The following HOGA1 variants were observed in gnomAD, a reference collection of about 807,000 sequenced individuals.
The protein encoded by HOGA1 is 4-hydroxy-2-oxoglutarate aldolase, mitochondrial.
A neutral mutation model predicts 34.3 loss-of-function variants in HOGA1; 30 were observed. The observed-to-expected ratio is 0.87, with a 90% CI of 0.65 to 1.19. The LOEUF (loss-of-function observed/expected upper bound fraction) is 1.19. Among genes scored for constraint, HOGA1 ranks in the 50% most tolerant of loss-of-function variants. The pLI is 0.00. For missense variants in HOGA1, 417 were observed against 436.5 expected, an observed-to-expected ratio of 0.96 and a Z score of 0.40; for synonymous variants, 161 against 174.0, an observed-to-expected ratio of 0.93 and a Z score of 0.59.
intron 6 of HOGA1, among the ~76,000 whole-genome samples, chr10:97,607,813 T>G (rs909150115): frequency 2.0e-5 from 3 of 152,198 alleles, no homozygotes; most frequent in African/African-American, 7.2e-5. Flanking sequence ...TGGTGATTTT[T>G]TTCCCCCTAA....
At chr10:97,592,760 G>T (rs1305885917) in intron 1 of HOGA1, among the ~76,000 whole-genome samples, 1 of 151,880 alleles carries the variant, frequency 6.6e-6, no homozygotes, top group Non-Finnish European at 1.5e-5. Flanking sequence ...TGGGCGTGGT[G>T]ACTCCTGTCT....
chr10:97,599,717 G>A lies in HOGA1; in HGVS notation c.506G>A (p.Ser169Asn). The part of the protein sequence containing the change: ...DLSPIPVVLY[S>N]VPANTGLDLP... ...TCTCCAATCCCTGTGGTGCTGTACA[G>A]TGTCCCAGCCAACACAGGGCTGGAC... is the stretch of plus-strand genomic sequence containing the variant. The change falls in exon 4 of 7, where the codon AGT becomes AAT. Residue 169 changes from serine (S) to asparagine (N), a missense_variant. By Grantham distance (46) the Ser-to-Asn change is conservative. Transcript: ENST00000370646. 1.2e-6 allele frequency: 2 copies of A among 1,614,150 alleles called. No individual in the cohort carries two copies. Among genetic ancestry groups the A allele is most frequent in the Non-Finnish European group, 1.7e-6 (2 of 1,180,022 alleles).
At chr10:97,604,714 G>C (rs2041144073) in intron 6 of HOGA1, among the ~76,000 whole-genome samples, 1 of 151,602 alleles carries the variant, frequency 6.6e-6, no homozygotes, top group Non-Finnish European at 1.5e-5. Flanking sequence ...GGGAGCAGTG[G>C]CTCACACCTG....
At chr10:97,611,429 C>A (rs2041194788) in intron 6 of HOGA1, 81 bp from the exon 7 acceptor site, 25 of 1,522,942 alleles carry the variant, frequency 1.6e-5, no homozygotes, top group Non-Finnish European at 2.3e-5. Flanking sequence ...CTTCAATGTT[C>A]TGAAAGTGAC....
intron 6 of HOGA1, 22 bp from the exon 7 acceptor site, chr10:97,611,488 T>C (rs912640919): frequency 7.4e-6 from 12 of 1,614,042 alleles, no homozygotes; most frequent in Non-Finnish European, 1.0e-5. Context: ...CTCAGTCTCT[T>C]CTAACAGGCC....
Position 97,599,305 on chromosome 10 carries a change from G to A in HOGA1, c.468+89G>A, listed in dbSNP as rs1036179755. The stretch of plus-strand genomic sequence containing the variant: ...GAATAGGGTGGTGCTTCACATGAAC[G>A]GCAGCTATAGGAAACGGGTGGACTG... On this transcript the variant is annotated intron_variant, in intron 3 of 6. Transcript: ENST00000370646. 5.4e-6 allele frequency: 8 copies of A among 1,494,436 alleles called. No homozygotes were observed. The Admixed American group carries it at 5.4e-5, about 10-fold the overall frequency. The allele number at this position is 1,494,436 out of a possible 1,614,324, so 92.6% of individuals were successfully genotyped here.
intron 1 of HOGA1, chr10:97,590,754 T>A: frequency 1.6e-6 from 1 of 633,912 alleles, no homozygotes; most frequent in Non-Finnish European, 2.8e-6. Context: ...TTAAACTCCA[T>A]GAGTGGGGTC....
At chr10:97,592,954 C>T (rs2041038377) in intron 1 of HOGA1, among the ~76,000 whole-genome samples, 1 of 143,920 alleles carries the variant, frequency 6.9e-6, no homozygotes, top group African/African-American at 2.6e-5. Context: ...TGCTTGAATC[C>T]AGGAGGCGGA....
intron 6 of HOGA1, chr10:97,602,519 C>T: frequency 1.0e-6 from 1 of 985,348 alleles, no homozygotes; most frequent in Non-Finnish European, 1.2e-6. Context: ...AGAGAGAACG[C>T]CCATCAAGTT....
In HOGA1 at chr10:97,584,543, A is replaced by T. The variant is rs1376911391; in HGVS notation, c.-161A>T. ...CTGGGGCCTATAGGCCTTGCCCCTG[A>T]CCCTGGGAACACCCAGCTCAGGCCT... is the stretch of plus-strand genomic sequence containing the variant. On this transcript the variant is annotated 5_prime_UTR_variant, in exon 1 of 7. Coordinates refer to ENST00000370646, the MANE Select transcript of HOGA1 (RefSeq NM_138413.4). 1 of 669,900 alleles carries T rather than the reference A, an allele frequency of 1.5e-6. No individual in the cohort carries two copies. Among genetic ancestry groups the T allele is most frequent in the Admixed American group, 2.5e-5 (1 of 39,288 alleles). The allele number at this position is 669,900 out of a possible 1,614,324, so 41.5% of individuals were successfully genotyped here.
At chr10:97,595,646 G>A (rs889002289) in intron 1 of HOGA1, among the ~76,000 whole-genome samples, 4 of 152,210 alleles carry the variant, frequency 2.6e-5, no homozygotes, top group Non-Finnish European at 5.9e-5. Context: ...AGTGAGCCGA[G>A]GTCGCACCAC....
chr10:97,611,736 C>G lies in HOGA1; in HGVS notation c.*77C>G. The G allele has an allele frequency of 6.6e-7, 1 of 1,520,558 alleles. No homozygotes were observed. Among genetic ancestry groups the G allele is most frequent in the Non-Finnish European group, 8.9e-7 (1 of 1,125,822 alleles). The allele number at this position is 1,520,558 out of a possible 1,614,324, so 94.2% of individuals were successfully genotyped here. A position where few individuals can be genotyped will look rare whatever the true frequency, so the allele number is the denominator to read the frequency against. ...CACTTGCAGCCTGAAGCGGAGAGCA[C>G]AGGGGGATGAGGGTGGCAGGCAGCG... On this transcript the variant is annotated 3_prime_UTR_variant, in exon 7 of 7. Transcript: ENST00000370646.
intron 6 of HOGA1, chr10:97,602,360 C>G: frequency 8.3e-7 from 1 of 1,201,252 alleles, no homozygotes; most frequent in Non-Finnish European, 1.1e-6. Flanking sequence ...CCTCTAAATC[C>G]GTGCTATCGG....
rs1168291336 is a variant in HOGA1 at position 97,611,987 on chromosome 10, G to A, written c.*328G>A. 4 of 314,592 alleles carry A rather than the reference G, an allele frequency of 1.3e-5. No individual in the cohort carries two copies. Among genetic ancestry groups the A allele is most frequent in the Non-Finnish European group, 2.4e-5 (4 of 167,542 alleles). The allele number at this position is 314,592 out of a possible 1,614,324, so 19.5% of individuals were successfully genotyped here. On this transcript the variant is annotated 3_prime_UTR_variant, in exon 7 of 7. Coordinates refer to ENST00000370646, the MANE Select transcript of HOGA1 (RefSeq NM_138413.4). ...TGAAGTCAGAAAGGAAGGGCAGAGG[G>A]GCAAGTAGGCACAGTAAGGGAATTT... is the stretch of plus-strand genomic sequence containing the variant.
Position 97,611,618 on chromosome 10 carries a change from G to C in HOGA1, c.943G>C (p.Glu315Gln). ...PLQELSPAEE[E>Q]ALRMDFTSNG... ...GCAGGAGCTGAGCCCCGCTGAGGAG[G>C]AGGCACTGCGCATGGATTTCACCAG... The change falls in exon 7 of 7, where the codon GAG becomes CAG. Residue 315 changes from glutamate to glutamine, a missense_variant. By Grantham distance (29) the Glu-to-Gln change is conservative (BLOSUM62 2). Coordinates refer to ENST00000370646, the MANE Select transcript of HOGA1 (RefSeq NM_138413.4). The C allele has an allele frequency of 1.2e-6, 2 of 1,614,122 alleles. No homozygotes were observed. The highest frequency in any genetic ancestry group is 1.7e-6 in the Non-Finnish European group (2 of 1,180,042).
chr10:97,602,481 CT>C, intron 6 of HOGA1: 1 of 985,382 alleles, frequency 1.0e-6, no homozygotes, highest in Non-Finnish European at 1.2e-6. Flanking sequence ...TACCCCAATT[CT>C]TTGTTGGGCA....
chr10:97,610,504 T>C (rs1336227794), intron 6 of HOGA1, among the ~76,000 whole-genome samples: 1 of 146,410 alleles, frequency 6.8e-6, no homozygotes, highest in Admixed American at 6.9e-5. Flanking sequence ...AATAAATTAT[T>C]ACGGGTGCAG....
At chr10:97,607,226 T>G (rs73332781) in intron 6 of HOGA1, among the ~76,000 whole-genome samples, 2,054 of 152,202 alleles carry the variant, frequency 0.013, 43 homozygotes, top group African/African-American at 0.047. Flanking sequence ...CTCCACTGCA[T>G]TGCCTGTGTG....
At chr10:97,598,262 A>G (rs1193747804) in intron 1 of HOGA1, among the ~76,000 whole-genome samples, 1 of 152,240 alleles carries the variant, frequency 6.6e-6, no homozygotes, top group Non-Finnish European at 1.5e-5. Context: ...TGCTGAAATT[A>G]TAGGTGTGAG....
Sources: gnomAD v4.1 joint callset for allele counts (sites outside exome capture counted in the v4.1 genomes callset) on GRCh38, gnomAD v4.1.1 for gene constraint, MANE v1.5 for transcripts, NCBI Gene and HGNC (gene_info 2026-07-23, HGNC 2026-07-21) for gene names.